Variants in TMEM40 observed in about 807,000 individuals in gnomAD.
TMEM40 encodes transmembrane protein 40.
In TMEM40, 34 loss-of-function variants were observed where a neutral mutation model predicts 40.8. The ratio of observed to expected loss-of-function variants is 0.83; its 90% CI spans 0.63 to 1.11. The LOEUF (loss-of-function observed/expected upper bound fraction) is 1.11, where lower values mean the gene tolerates loss of function less well. TMEM40 is among the 50% of genes least tolerant of loss of function. The pLI is 0.00. For synonymous variants in TMEM40, 106 were observed against 107.0 expected (o/e 0.99, Z 0.06); for missense variants, 296 against 280.2 (o/e 1.06, Z -0.40).
intron 1 of TMEM40, among the ~76,000 whole-genome samples, chr3:12,755,953 T>C (rs1319212525): frequency 2.6e-5 from 4 of 152,176 alleles, no homozygotes; most frequent in African/African-American, 9.7e-5. Flanking sequence ...CGGATGGAGA[T>C]AACCCTAATC....
At position 12,751,097 on chromosome 3, in the gene TMEM40, T is replaced by C. The variant is rs547464414; in HGVS notation, c.-8-1257A>G. On this transcript the variant is annotated intron_variant, in intron 1 of 11. Transcript: ENST00000314124. ...TTCACTGTGCCCTGGGTTTCTCATC[T>C]GTAAAACGGAGACAGTAATAGTGCT... is the stretch of plus-strand genomic sequence containing the variant. Among the ~76,000 whole-genome samples the C allele has an allele frequency of 8.4e-4, 128 of 152,102 alleles. No homozygotes were observed. The Middle Eastern group carries it at 0.027, about 32-fold the overall frequency.
At chr3:12,763,189 A>C (rs2061580670), upstream of TMEM40, among the ~76,000 whole-genome samples, 1 of 151,170 alleles carries the variant, frequency 6.6e-6, no homozygotes, top group South Asian at 2.1e-4. Context: ...AAAAGGTTTA[A>C]ATGCCTGGCA....
chr3:12,748,799 G>A lies in TMEM40; in HGVS notation c.74-7C>T. The A allele has an allele frequency of 1.9e-6, 3 of 1,613,454 alleles. No homozygotes were observed. The highest frequency in any genetic ancestry group is 2.5e-6 in the Non-Finnish European group (3 of 1,179,636). ...TGGAAATCTGTCTCTCCATCTACAA[G>A]GCACACAGAGGCCAGGGGATGAGCG... On this transcript the variant is annotated splice_region_variant and splice_polypyrimidine_tract_variant and intron_variant, in intron 2 of 11. Transcript: ENST00000314124.
At chr3:12,761,885 G>A (rs2061570287), upstream of TMEM40, among the ~76,000 whole-genome samples, 1 of 151,970 alleles carries the variant, frequency 6.6e-6, no homozygotes, top group Admixed American at 6.6e-5. Context: ...AAAAATGTAT[G>A]TATATATATA....
In TMEM40 at chr3:12,734,120, C is replaced by T. The variant is rs2061320608; in HGVS notation, c.*654G>A. 1 of 152,082 alleles carries T rather than the reference C, an allele frequency of 6.6e-6. No individual in the cohort carries two copies. Among genetic ancestry groups the T allele is most frequent in the African/African-American group, 2.4e-5 (1 of 41,362 alleles). 9.4% of individuals were successfully genotyped at this position (152,082 alleles called of 1,614,324 possible). On this transcript the variant is annotated 3_prime_UTR_variant, in exon 12 of 12. Transcript: ENST00000314124. ...TAGAGATGGGGGTCTCACTATGTTG[C>T]CCAGGTTGGTCTTGAACTCTCAGCT... is the stretch of plus-strand genomic sequence containing the variant.
At chr3:12,738,686 C>T (rs2061357588) in intron 5 of TMEM40, 98 bp from the exon 6 acceptor site, 3 of 1,356,894 alleles carry the variant, frequency 2.2e-6, no homozygotes, top group African/African-American at 1.4e-5. Context: ...AGACTTCCCA[C>T]TTAATCTGGA....
chr3:12,754,067 C>T (rs571540593), intron 1 of TMEM40, among the ~76,000 whole-genome samples: 12 of 152,150 alleles, frequency 7.9e-5, no homozygotes, highest in East Asian at 1.9e-4. Context: ...TGGAGCCACA[C>T]GGGGCAAGGC....
At chr3:12,767,094 C>A (rs1237069988) in intron 1 of TMEM40, among the ~76,000 whole-genome samples, 1 of 152,146 alleles carries the variant, frequency 6.6e-6, no homozygotes, top group Admixed American at 6.5e-5. Flanking sequence ...GAAGATCTGA[C>A]CCTGGAGCAG....
chr3:12,752,794 C>G (rs1227650412), intron 1 of TMEM40, among the ~76,000 whole-genome samples: 1 of 151,308 alleles, frequency 6.6e-6, no homozygotes, highest in Non-Finnish European at 1.5e-5. Context: ...CAGGGCAAGA[C>G]TCTGTCTCAA....
chr3:12,753,613 C>A (rs1032178016), intron 1 of TMEM40, among the ~76,000 whole-genome samples: 1 of 152,258 alleles, frequency 6.6e-6, no homozygotes, highest in Non-Finnish European at 1.5e-5. Context: ...TAGATGGACT[C>A]AAATCTGACC....
intron 1 of TMEM40, 46 bp from the exon 2 acceptor site, chr3:12,749,886 A>C (rs1441861327): frequency 6.6e-7 from 1 of 1,518,400 alleles, no homozygotes; most frequent in Non-Finnish European, 9.1e-7. Flanking sequence ...CTTAGTTAAT[A>C]TCTTAATATA....
At position 12,738,136 on chromosome 3, in the gene TMEM40, C is replaced by G; in HGVS notation, c.424G>C (p.Gly142Arg). 6.2e-7 allele frequency: 1 copy of G among 1,613,940 alleles called. No homozygotes were observed. The highest frequency in any genetic ancestry group is 2.2e-5 in the East Asian group (1 of 44,892). ...LRRRGSDPASGEVEASQLRRL... is the reference protein window; with the variant it reads ...LRRRGSDPASREVEASQLRRL... ...CTCCTATTTGAGCTTGTGTATTTAC[C>G]ACTTGCTGGGTCAGAGCCTCTCCTT... is the stretch of plus-strand genomic sequence containing the variant. The change falls in exon 7 of 12, where the codon GGA becomes CGA. Residue 142 changes from glycine (G) to arginine (R), a missense_variant and splice_region_variant. Coordinates refer to ENST00000314124, the MANE Select transcript of TMEM40 (RefSeq NM_018306.4).
intron 1 of TMEM40, among the ~76,000 whole-genome samples, chr3:12,764,808 A>G (rs1220159497): frequency 6.6e-6 from 1 of 152,228 alleles, no homozygotes; most frequent in African/African-American, 2.4e-5. Flanking sequence ...AGTTAAATTT[A>G]AAGTTAAAAT....
chr3:12,758,287 A>G (rs916357871), intron 1 of TMEM40, among the ~76,000 whole-genome samples: 1 of 151,886 alleles, frequency 6.6e-6, no homozygotes, highest in Non-Finnish European at 1.5e-5. Flanking sequence ...ACTCCCCACC[A>G]CTCCCACTAA....
At chr3:12,740,761 G>C (rs2061375844) in intron 5 of TMEM40, among the ~76,000 whole-genome samples, 1 of 152,074 alleles carries the variant, frequency 6.6e-6, no homozygotes, top group South Asian at 2.1e-4. Flanking sequence ...AGGAGGCTAA[G>C]GTAGGAGAAT....
Position 12,735,589 on chromosome 3 carries a change from G to A in TMEM40, c.648C>T (p.Gly216=), listed in dbSNP as rs2106603947. ...TAAACTTCTGGAAGAGGGGGATGAA[G>A]CCTTGGAGGACGCTGTGGATACGGT... is the stretch of plus-strand genomic sequence containing the variant. ...LVYRIHSVLQ[G]FIPLFQKFRL... is the part of the protein sequence containing the mutation. Residue 216 remains glycine (G), a synonymous_variant, in exon 11 of 12, where the codon GGC becomes GGT. Transcript: ENST00000314124. The A allele has an allele frequency of 1.9e-6, 3 of 1,613,608 alleles. No homozygotes were observed. Among genetic ancestry groups the A allele is most frequent in the South Asian group, 1.1e-5 (1 of 91,036 alleles).
intron 1 of TMEM40, among the ~76,000 whole-genome samples, chr3:12,753,634 C>A (rs1441927644): frequency 6.6e-6 from 1 of 152,184 alleles, no homozygotes; most frequent in African/African-American, 2.4e-5. Flanking sequence ...CCTACCCCAA[C>A]AGAGAAGCTT....
intron 1 of TMEM40, among the ~76,000 whole-genome samples, chr3:12,751,288 T>C (rs943573160): frequency 1.2e-3 from 176 of 148,826 alleles, no homozygotes; most frequent in African/African-American, 4.2e-3. Flanking sequence ...CGTTTTTTTT[T>C]TCTGTTTTTT....
intron 1 of TMEM40, among the ~76,000 whole-genome samples, chr3:12,758,175 G>A (rs141152183): frequency 0.013 from 1,959 of 151,906 alleles, 22 homozygotes; most frequent in Non-Finnish European, 0.022. Context: ...GGTCCCTGAC[G>A]TGCAGCCAGC....
Sources: gnomAD v4.1 joint callset for allele counts (sites outside exome capture counted in the v4.1 genomes callset) on GRCh38, gnomAD v4.1.1 for gene constraint, MANE v1.5 for transcripts, NCBI Gene and HGNC (gene_info 2026-07-23, HGNC 2026-07-21) for gene names.